The following ASIC2 variants were observed in gnomAD, a reference collection of about 807,000 sequenced individuals.
The protein encoded by ASIC2 is acid sensing ion channel subunit 2, also known as acid-sensing ion channel 2.
ASIC2 carries 25 observed loss-of-function variants against 57.3 expected under a neutral mutation model. That is an observed-to-expected ratio of 0.44 (90% confidence interval 0.32 to 0.61). The LOEUF (loss-of-function observed/expected upper bound fraction) is 0.61. Ranked by LOEUF, ASIC2 falls within the 20% of genes least tolerant of loss-of-function variation. The pLI is 0.06. For synonymous variants in ASIC2, 319 were observed against 307.5 expected, an observed-to-expected ratio of 1.04 and a Z score of -0.39; for missense variants, 641 against 738.1, an observed-to-expected ratio of 0.87 and a Z score of 1.52.
intron 1 of ASIC2, among the ~76,000 whole-genome samples, chr17:33,266,827 G>T (rs1909481063): frequency 6.6e-6 from 1 of 152,112 alleles, no homozygotes; most frequent in African/African-American, 2.4e-5. Context: ...TTGTCAAAAT[G>T]TTGGCTCCCT....
intron 1 of ASIC2, among the ~76,000 whole-genome samples, chr17:33,145,773 G>T (rs1904535673): frequency 6.6e-6 from 1 of 152,158 alleles, no homozygotes; most frequent in Non-Finnish European, 1.5e-5. Context: ...TAAAAATGCT[G>T]GTTACTCCTT....
intron 1 of ASIC2, among the ~76,000 whole-genome samples, chr17:33,708,603 A>G (rs1387564137): frequency 2.0e-5 from 3 of 152,126 alleles, no homozygotes; most frequent in African/African-American, 2.4e-5. Flanking sequence ...TTCCAAGTGC[A>G]GGTATGTGGC....
chr17:33,790,147 A>G (rs544246128), intron 1 of ASIC2, among the ~76,000 whole-genome samples: 119 of 152,276 alleles, frequency 7.8e-4, no homozygotes, highest in African/African-American at 2.7e-3. Context: ...CTATACATTT[A>G]TTTTACTTTT....
chr17:33,556,014 A>G (rs912839383), intron 1 of ASIC2, among the ~76,000 whole-genome samples: 1 of 152,210 alleles, frequency 6.6e-6, no homozygotes, highest in African/African-American at 2.4e-5. Flanking sequence ...CTCTTGGAAA[A>G]GATACTTATT....
intron 1 of ASIC2, among the ~76,000 whole-genome samples, chr17:33,631,355 T>C (rs530314875): frequency 6.6e-6 from 1 of 151,736 alleles, no homozygotes; most frequent in Non-Finnish European, 1.5e-5. Context: ...GAGAGTTTCT[T>C]TTTGATGCCA....
Position 33,291,914 on chromosome 17 carries a change from C to A in ASIC2, c.202G>T (p.Gly68Trp). The A allele has an allele frequency of 6.3e-7, 1 of 1,592,536 alleles. No individual in the cohort carries two copies. The highest frequency in any genetic ancestry group is 2.3e-5 in the East Asian group (1 of 44,210). Residue 68 changes from glycine (G) to tryptophan (W), a missense_variant, in exon 1 of 10, where the codon GGG (glycine) becomes TGG (tryptophan). Gly to Trp is a radical substitution (Grantham distance 184). Around this residue, in one of 3 missense-constraint regions of ASIC2, gnomAD observed 382 missense variants for 398.0 expected, o/e 0.96. Transcript: ENST00000225823. ...CGCCCGGCACACATGTGCCGCAGCC[C>A]GTGCAGTTTAGCGCGGCTCAGCGAT... ...RPSLSRAKLH[G>W]LRHMCAGRTA...
intron 1 of ASIC2, among the ~76,000 whole-genome samples, chr17:34,000,047 A>G (rs9901864): frequency 0.34 from 50,730 of 149,570 alleles, 10,961 homozygotes; most frequent in African/African-American, 0.59. Context: ...TGAAAGTGTT[A>G]TTGTTGTTTT....
At chr17:33,601,796 G>A (rs916997648) in intron 1 of ASIC2, among the ~76,000 whole-genome samples, 5 of 152,218 alleles carry the variant, frequency 3.3e-5, no homozygotes, top group Non-Finnish European at 7.3e-5. Context: ...TGCCTGAGGC[G>A]TTAGGGGCCC....
intron 2 of ASIC2, among the ~76,000 whole-genome samples, chr17:33,102,875 C>A (rs770868004): frequency 2.0e-5 from 3 of 152,190 alleles, no homozygotes; most frequent in Non-Finnish European, 2.9e-5. Context: ...GCTCCGCCTT[C>A]CAGGTTCACG....
Position 33,535,320 on chromosome 17 carries a change from C to T in ASIC2, c.556-423253G>A, listed in dbSNP as rs369849407. 5.3e-5 allele frequency among the ~76,000 whole-genome samples: 8 copies of T among 151,350 alleles called. No homozygotes were observed. In the South Asian group the frequency reaches 6.3e-4, roughly 12 times the overall value. On this transcript the variant is annotated intron_variant, in intron 1 of 9. Coordinates refer to the ASIC2 transcript ENST00000359872. ...TGGAGTATCACTCAGTCGCCCAGGCCGGAGTGCAGTGGTGCGATCTCGGCT... is the reference window on the plus strand; with the variant it reads ...TGGAGTATCACTCAGTCGCCCAGGCTGGAGTGCAGTGGTGCGATCTCGGCT...
At chr17:33,631,675 A>AT (rs1906176128) in intron 1 of ASIC2, among the ~76,000 whole-genome samples, 1 of 152,142 alleles carries the variant, frequency 6.6e-6, no homozygotes, top group Non-Finnish European at 1.5e-5. Flanking sequence ...GTGGTATAGC[A>AT]TCCATAGGTG....
chr17:33,732,696 G>A lies in ASIC2; in HGVS notation c.555+423282C>T, dbSNP rs140740549. 3.1e-3 allele frequency among the ~76,000 whole-genome samples: 473 copies of A among 151,944 alleles called. 2 individuals are homozygous for A. The highest frequency in any genetic ancestry group is 5.2e-3 in the Non-Finnish European group (351 of 67,968). ...CTTGTTGCCCAGGCTGGAGTGCAGT[G>A]GTGAGATCTCAGCTCACTGCAACCT... is the stretch of plus-strand genomic sequence containing the variant. On this transcript the variant is annotated intron_variant, in intron 1 of 9. Coordinates refer to the ASIC2 transcript ENST00000359872.
chr17:33,072,750 C>T (rs1209248749), intron 3 of ASIC2, among the ~76,000 whole-genome samples: 1 of 152,192 alleles, frequency 6.6e-6, no homozygotes, highest in Non-Finnish European at 1.5e-5. Context: ...GACCTCTGTC[C>T]TAGACTCTAG....
intron 1 of ASIC2, among the ~76,000 whole-genome samples, chr17:33,435,133 A>G (rs1378710675): frequency 6.6e-6 from 1 of 152,242 alleles, no homozygotes; most frequent in African/African-American, 2.4e-5. Context: ...TAGAAGTATC[A>G]GTATGAATAC....
At chr17:34,124,704 C>T (rs568020099) in intron 1 of ASIC2, among the ~76,000 whole-genome samples, 1 of 152,262 alleles carries the variant, frequency 6.6e-6, no homozygotes, top group South Asian at 2.1e-4. Flanking sequence ...TTCTTGGGGG[C>T]CCCCTTCCCA....
intron 1 of ASIC2, among the ~76,000 whole-genome samples, chr17:33,249,015 A>C (rs1283255841): frequency 6.6e-6 from 1 of 152,166 alleles, no homozygotes; most frequent in Non-Finnish European, 1.5e-5. Context: ...CATCCAGGTA[A>C]TGCATAGTGA....
intron 1 of ASIC2, among the ~76,000 whole-genome samples, chr17:34,012,909 T>C (rs888999373): frequency 1.3e-5 from 2 of 152,110 alleles, no homozygotes; most frequent in Admixed American, 1.3e-4. Context: ...CTAGCAACAG[T>C]TGCCATGACA....
chr17:33,404,719 C>T (rs144123506), intron 1 of ASIC2, among the ~76,000 whole-genome samples: 78 of 152,316 alleles, frequency 5.1e-4, no homozygotes, highest in African/African-American at 1.9e-3. Flanking sequence ...AGAATGTTTG[C>T]ACTTCTTTAG....
intron 1 of ASIC2, among the ~76,000 whole-genome samples, chr17:34,060,005 T>C (rs768966701): frequency 2.1e-4 from 32 of 152,338 alleles, no homozygotes; most frequent in Non-Finnish European, 2.1e-4. Context: ...TGATACTTTC[T>C]GGAAAGTGCC....
Sources: allele counts gnomAD v4.1 joint callset (sites outside exome capture counted in the v4.1 genomes callset), GRCh38; gene constraint gnomAD v4.1.1; regional missense constraint gnomAD v4.1.1; transcripts MANE v1.5; gene names NCBI Gene and HGNC (gene_info 2026-07-23, HGNC 2026-07-21).